Variants in OPCML observed in about 807,000 individuals in gnomAD.
The protein encoded by OPCML is opioid binding protein/cell adhesion molecule like, also known as opioid-binding protein/cell adhesion molecule.
Under a neutral mutation model 37.8 loss-of-function variants are expected in OPCML, and 13 were observed. The observed-to-expected ratio is 0.34, with a 90% CI of 0.22 to 0.55. The LOEUF (loss-of-function observed/expected upper bound fraction) is 0.55, where lower values mean the gene tolerates loss of function less well. Among genes scored for constraint, OPCML ranks in the 20% least tolerant of loss-of-function variants. The pLI, the probability that OPCML is intolerant of heterozygous loss-of-function variation, is 0.91. For synonymous variants in OPCML, 176 were observed against 168.8 expected (o/e 1.04, Z -0.33); for missense variants, 341 against 435.6 (o/e 0.78, Z 1.93).
intron 3 of OPCML, among the ~76,000 whole-genome samples, chr11:132,620,810 T>C (rs1324955815): frequency 1.3e-5 from 2 of 152,212 alleles, no homozygotes; most frequent in East Asian, 3.9e-4. Context: ...GATGTCTAGA[T>C]TGCCATCCAT....
At position 133,211,368 on chromosome 11, in the gene OPCML, C is replaced by A. The variant is rs1409117322; in HGVS notation, c.62-268358G>T. ...CTCAGTTATTGAACCCTGGGAAGTT[C>A]TGAATCCTCTCCCTCTCAAACTGGG... On this transcript the variant is annotated intron_variant, in intron 1 of 7. Transcript: ENST00000524381. This position sits in a 1 kb window ranked among gnomAD's most constrained non-coding sequence, Gnocchi z 4.1. 6.6e-6 allele frequency among the ~76,000 whole-genome samples: 1 copy of A among 152,182 alleles called. No homozygotes were observed. The highest frequency in any genetic ancestry group is 1.5e-5 in the Non-Finnish European group (1 of 68,038).
chr11:133,189,917 G>A (rs886082401), intron 1 of OPCML, among the ~76,000 whole-genome samples: 1 of 152,212 alleles, frequency 6.6e-6, no homozygotes, highest in Non-Finnish European at 1.5e-5. Flanking sequence ...GGGAAAATAA[G>A]GAGTGGTTGC....
intron 2 of OPCML, among the ~76,000 whole-genome samples, chr11:132,878,548 C>G (rs999449216): frequency 6.6e-6 from 1 of 152,180 alleles, no homozygotes; most frequent in Admixed American, 6.5e-5. Flanking sequence ...ACCTTGCCAA[C>G]TGATCTTGGA....
intron 3 of OPCML, among the ~76,000 whole-genome samples, chr11:132,558,948 A>G (rs1476373210): frequency 1.3e-5 from 2 of 152,174 alleles, no homozygotes; most frequent in African/African-American, 2.4e-5. Context: ...AGCACAGCTC[A>G]TGGCTGACCA....
intron 2 of OPCML, among the ~76,000 whole-genome samples, chr11:132,839,465 T>A (rs1037227486): frequency 3.3e-5 from 5 of 152,222 alleles, no homozygotes; most frequent in Non-Finnish European, 7.3e-5. Context: ...CTTTCCTTAA[T>A]TTTCCAGCAT....
intron 3 of OPCML, among the ~76,000 whole-genome samples, chr11:132,629,680 T>C (rs1939974833): frequency 6.6e-6 from 1 of 152,206 alleles, no homozygotes; most frequent in African/African-American, 2.4e-5. Context: ...AGGTGCAGCG[T>C]TGAGTTCATC....
At chr11:132,742,346 A>G (rs7929813) in intron 2 of OPCML, among the ~76,000 whole-genome samples, 18,635 of 152,218 alleles carry the variant, frequency 0.12, 1,564 homozygotes, top group African/African-American at 0.23. Flanking sequence ...ATTCACGAAG[A>G]TGGAGTTCCA....
intron 1 of OPCML, among the ~76,000 whole-genome samples, chr11:133,419,649 A>G (rs1322900472): frequency 1.3e-5 from 2 of 152,210 alleles, no homozygotes; most frequent in African/African-American, 2.4e-5. Context: ...AAAATTGACC[A>G]TGGCGAGCAT....
intron 1 of OPCML, among the ~76,000 whole-genome samples, chr11:133,484,141 TA>T (rs1342351961): frequency 1.4e-5 from 2 of 142,042 alleles, no homozygotes; most frequent in African/African-American, 5.7e-5. Context: ...AGATAGATGA[TA>T]GATGGATAGA....
At chr11:132,547,484 A>G (rs2096371380) in intron 3 of OPCML, among the ~76,000 whole-genome samples, 2 of 152,028 alleles carry the variant, frequency 1.3e-5, no homozygotes, top group Non-Finnish European at 2.9e-5. Flanking sequence ...ATTTTTAGAA[A>G]GGGTAGAGGC....
chr11:133,089,067 A>C (rs1224513041), intron 1 of OPCML, among the ~76,000 whole-genome samples: 1 of 152,232 alleles, frequency 6.6e-6, no homozygotes, highest in Non-Finnish European at 1.5e-5. Context: ...TTTGACCCAT[A>C]ATATAGAATC....
At position 133,107,284 on chromosome 11, in the gene OPCML, T is replaced by G. The variant is rs528824872; in HGVS notation, c.62-164274A>C. On this transcript the variant is annotated intron_variant, in intron 1 of 7. Transcript: ENST00000524381. ...TGAAGACTTCTGTTTGTGATTTTCA[T>G]TAGAGGACATCTATCTGCATTTAAA... 9.2e-5 allele frequency among the ~76,000 whole-genome samples: 14 copies of G among 152,324 alleles called. 1 individual carries two copies. The East Asian group carries it at 2.7e-3, about 29-fold the overall frequency.
Position 132,713,955 on chromosome 11 carries a change from A to G in OPCML, c.147-56636T>C, listed in dbSNP as rs568527170. On this transcript the variant is annotated intron_variant, in intron 2 of 7. Transcript: ENST00000524381. ...TTATCATTAAAGTGTTATTCATTGC[A>G]ATAAAAACAACCTAAGTAAACAGTA... 4.6e-5 allele frequency among the ~76,000 whole-genome samples: 7 copies of G among 152,340 alleles called. 1 individual carries two copies. Among genetic ancestry groups the G allele is most frequent in the Admixed American group, 3.3e-4 (5 of 15,308 alleles).
At chr11:132,602,991 T>C (rs1021750471) in intron 3 of OPCML, among the ~76,000 whole-genome samples, 6 of 152,202 alleles carry the variant, frequency 3.9e-5, no homozygotes, top group Admixed American at 1.3e-4. Context: ...CTGCTCTGCT[T>C]GAGATCAGTG....
chr11:132,891,486 G>A (rs1943646713), intron 2 of OPCML, among the ~76,000 whole-genome samples: 1 of 152,050 alleles, frequency 6.6e-6, no homozygotes, highest in Non-Finnish European at 1.5e-5. Context: ...TTAAAATTCA[G>A]TTTGCTTATA....
At chr11:132,546,800 G>T (rs573107627) in intron 3 of OPCML, among the ~76,000 whole-genome samples, 28 of 152,320 alleles carry the variant, frequency 1.8e-4, no homozygotes, top group African/African-American at 5.8e-4. Flanking sequence ...TAAGCACAGT[G>T]CCGGGGGTGG....
At position 133,260,492 on chromosome 11, in the gene OPCML, G is replaced by T. The variant is rs145073043; in HGVS notation, c.61+271772C>A. 5.9e-3 allele frequency among the ~76,000 whole-genome samples: 905 copies of T among 152,198 alleles called. 4 individuals are homozygous for T. The highest frequency in any genetic ancestry group is 7.9e-3 in the South Asian group (38 of 4,806). ...ACGTACAGTCCTCAAAGGTGTTGAA[G>T]GTGGAGCTCTGGGATTTGCATCTGG... On this transcript the variant is annotated intron_variant, in intron 1 of 7. Coordinates refer to ENST00000524381, the MANE Select transcript of OPCML (RefSeq NM_001012393.5).
At chr11:132,604,047 C>T (rs1329226755) in intron 3 of OPCML, among the ~76,000 whole-genome samples, 2 of 152,156 alleles carry the variant, frequency 1.3e-5, no homozygotes, top group African/African-American at 4.8e-5. Context: ...CCATTTCATG[C>T]TCTGTGCCTG....
chr11:132,763,911 A>G (rs1276274920), intron 2 of OPCML, among the ~76,000 whole-genome samples: 3 of 152,236 alleles, frequency 2.0e-5, no homozygotes, highest in African/African-American at 7.2e-5. Context: ...ACTAGAACTC[A>G]ATGATAAATA....
Sources: gnomAD v4.1 joint callset for allele counts (sites outside exome capture counted in the v4.1 genomes callset) on GRCh38, gnomAD v4.1.1 for gene constraint, Gnocchi (gnomAD v3.1) non-coding constraint, MANE v1.5 for transcripts, NCBI Gene and HGNC (gene_info 2026-07-23, HGNC 2026-07-21) for gene names.